The following TAF2 variants were observed in gnomAD, a reference collection of about 807,000 sequenced individuals.
TAF2 encodes the protein TATA-box binding protein associated factor 2.
Under a neutral mutation model 138.5 loss-of-function variants are expected in TAF2, and 61 were observed. The ratio of observed to expected loss-of-function variants is 0.44; its 90% CI spans 0.36 to 0.54. The LOEUF is 0.54. Ranked by LOEUF, TAF2 falls within the 20% of genes least tolerant of loss-of-function variation. TAF2 has a pLI of 0.00. For synonymous variants in TAF2, 475 were observed against 469.9 expected, an observed-to-expected ratio of 1.01 and a Z score of -0.14; for missense variants, 1,090 against 1,427.9, an observed-to-expected ratio of 0.76 and a Z score of 3.81.
chr8:119,756,836 T>G (rs999642729), intron 21 of TAF2, among the ~76,000 whole-genome samples: 2 of 152,078 alleles, frequency 1.3e-5, no homozygotes, highest in African/African-American at 4.8e-5. Context: ...AAACATCCAC[T>G]GCTATGAGTA....
intron 6 of TAF2, among the ~76,000 whole-genome samples, chr8:119,798,546 T>C (rs774897770): frequency 2.0e-5 from 3 of 152,210 alleles, no homozygotes; most frequent in Non-Finnish European, 4.4e-5. Flanking sequence ...GTAATCTTTT[T>C]GAGTTCAACA....
Position 119,797,846 on chromosome 8 carries a change from C to A in TAF2, c.793G>T (p.Val265Phe), listed in dbSNP as rs1344198100. ...AGTTGGGGCAAACAAAAATGAGTAA[C>A]CTGAAAAGAAGAAGCAAGGAAGATC... is the stretch of plus-strand genomic sequence containing the variant. ...EILVDPYMHE[V>F]THFCLPQLLP... Residue 265 changes from valine (V) to phenylalanine (F), a missense_variant and splice_region_variant, in exon 7 of 26, where the codon GTT becomes TTT. Coordinates refer to ENST00000378164, the MANE Select transcript of TAF2 (RefSeq NM_003184.4). The A allele has an allele frequency of 6.2e-7, 1 of 1,612,858 alleles. No individual in the cohort carries two copies. Among genetic ancestry groups the A allele is most frequent in the Non-Finnish European group, 8.5e-7 (1 of 1,179,460 alleles).
chr8:119,801,659 A>G, intron 6 of TAF2, 135 bp downstream of exon 6: 1 of 786,922 alleles, frequency 1.3e-6, no homozygotes, highest in Middle Eastern at 2.9e-4. Flanking sequence ...CGATCTCCTG[A>G]CCCTGTGATC....
At chr8:119,796,833 G>C (rs1464186693) in intron 8 of TAF2, among the ~76,000 whole-genome samples, 157 bp downstream of exon 8, 1 of 151,620 alleles carries the variant, frequency 6.6e-6, no homozygotes, top group East Asian at 1.9e-4. Flanking sequence ...AAAAAGTTAG[G>C]ATGAAACTTA....
At chr8:119,780,767 C>G (rs1822585279) in intron 17 of TAF2, among the ~76,000 whole-genome samples, 1 of 151,990 alleles carries the variant, frequency 6.6e-6, no homozygotes, top group Admixed American at 6.6e-5. Context: ...AACCCCATCT[C>G]TACTAAAAAT....
intron 18 of TAF2, among the ~76,000 whole-genome samples, chr8:119,771,333 T>G (rs1471637707): frequency 6.6e-6 from 1 of 151,960 alleles, no homozygotes; most frequent in African/African-American, 2.4e-5. Context: ...CGTCCTAGGT[T>G]CAAGTGACTC....
chr8:119,733,743 C>T (rs909731482), intron 25 of TAF2, among the ~76,000 whole-genome samples: 5 of 151,862 alleles, frequency 3.3e-5, no homozygotes, highest in Admixed American at 6.6e-5. Flanking sequence ...ACGTGGTTAC[C>T]AAATATTGTT....
At chr8:119,760,425 A>G (rs1400344420) in intron 20 of TAF2, 174 bp downstream of exon 20, 3 of 730,798 alleles carry the variant, frequency 4.1e-6, no homozygotes, top group Non-Finnish European at 4.3e-6. Context: ...TCCCTCATTT[A>G]TTAACTCTTA....
chr8:119,809,022 C>A (rs1019047838), intron 3 of TAF2, among the ~76,000 whole-genome samples: 5 of 152,180 alleles, frequency 3.3e-5, no homozygotes, highest in Non-Finnish European at 7.3e-5. Flanking sequence ...AAAGAGTCAG[C>A]CCGTCCTTTG....
intron 3 of TAF2, among the ~76,000 whole-genome samples, chr8:119,819,043 T>C (rs2131255002): frequency 6.6e-6 from 1 of 152,220 alleles, no homozygotes; most frequent in African/African-American, 2.4e-5. Context: ...TTTCAAAATT[T>C]ATGAAGTAAA....
chr8:119,776,154 T>C (rs1183182477), intron 18 of TAF2, among the ~76,000 whole-genome samples: 1 of 152,170 alleles, frequency 6.6e-6, no homozygotes, highest in Non-Finnish European at 1.5e-5. Flanking sequence ...GAGAGACCAA[T>C]GATCATAGAG....
chr8:119,786,765 T>C (rs1167213075), intron 14 of TAF2, among the ~76,000 whole-genome samples: 1 of 151,972 alleles, frequency 6.6e-6, no homozygotes, highest in Non-Finnish European at 1.5e-5. Context: ...CTACTAAAAA[T>C]ACAAAAAGTA....
chr8:119,731,955 C>G lies in TAF2; in HGVS notation c.3569G>C (p.Arg1190Thr). The G allele has an allele frequency of 6.2e-7, 1 of 1,614,204 alleles. No individual in the cohort carries two copies. The highest frequency in any genetic ancestry group is 8.5e-7 in the Non-Finnish European group (1 of 1,180,042). ...PFTFSSPASG[R>T]SIRSPSLSD Reference sequence around the variant, plus strand: ...TGAAAGGGAAGGAGAACGAATAGACCTGCCACTGGCAGGGCTGGAGAAAGT... The same window carrying G: ...TGAAAGGGAAGGAGAACGAATAGACGTGCCACTGGCAGGGCTGGAGAAAGT... Residue 1190 changes from arginine (R) to threonine (T), a missense_variant, in exon 26 of 26, where the codon AGG becomes ACG. Physicochemically the swap from Arg to Thr is moderately conservative, Grantham distance 71. Around this residue, in one of 3 missense-constraint regions of TAF2, gnomAD observed 580 missense variants for 719.6 expected, o/e 0.81. Coordinates refer to ENST00000378164, the MANE Select transcript of TAF2 (RefSeq NM_003184.4).
intron 2 of TAF2, among the ~76,000 whole-genome samples, chr8:119,822,427 T>C (rs1019417697): frequency 2.6e-5 from 4 of 152,236 alleles, no homozygotes; most frequent in South Asian, 4.1e-4. Flanking sequence ...TCTTATCATG[T>C]TGCCCAAGCT....
chr8:119,822,155 T>G (rs1430459350), intron 2 of TAF2, among the ~76,000 whole-genome samples: 1 of 152,150 alleles, frequency 6.6e-6, no homozygotes, highest in Non-Finnish European at 1.5e-5. Context: ...TACATCATCC[T>G]TTATGCTTCT....
rs1020111857 is a variant in TAF2, at chr8:119,797,221, C to T, written c.978-118G>A. ...GCTAAATAGAGAAAAAATTCTCCCACCTTTCTAATCTTTTCAAAATTTAGC... is the reference window on the plus strand; with the variant it reads ...GCTAAATAGAGAAAAAATTCTCCCATCTTTCTAATCTTTTCAAAATTTAGC... On this transcript the variant is annotated intron_variant, in intron 7 of 25. Coordinates refer to ENST00000378164, the MANE Select transcript of TAF2 (RefSeq NM_003184.4). 19 of 762,718 alleles carry T rather than the reference C, an allele frequency of 2.5e-5. No homozygotes were observed. In the East Asian group the frequency reaches 4.0e-4, roughly 16 times the overall value. 47.2% of individuals were successfully genotyped at this position (762,718 alleles called of 1,614,324 possible). A position where few individuals can be genotyped will look rare whatever the true frequency, so the allele number is the denominator to read the frequency against.
intron 24 of TAF2, among the ~76,000 whole-genome samples, chr8:119,744,037 TAGAA>T (rs1435639539): frequency 6.6e-6 from 1 of 152,166 alleles, no homozygotes; most frequent in Non-Finnish European, 1.5e-5. Context: ...TCAGAGCTAC[TAGAA>T]AGAATCTGAA....
chr8:119,738,514 A>G (rs538486637), intron 25 of TAF2, among the ~76,000 whole-genome samples: 8 of 152,194 alleles, frequency 5.3e-5, no homozygotes, highest in Non-Finnish European at 1.2e-4. Context: ...CAGCAAATAT[A>G]TCAGAGAAAG....
intron 18 of TAF2, among the ~76,000 whole-genome samples, chr8:119,769,272 C>T (rs1821660375): frequency 1.3e-5 from 2 of 152,228 alleles, no homozygotes; most frequent in African/African-American, 4.8e-5. Flanking sequence ...ATACCCTACC[C>T]AATATACTGT....
Sources: allele counts gnomAD v4.1 joint callset (sites outside exome capture counted in the v4.1 genomes callset), GRCh38; gene constraint gnomAD v4.1.1; regional missense constraint gnomAD v4.1.1; transcripts MANE v1.5; gene names NCBI Gene and HGNC (gene_info 2026-07-23, HGNC 2026-07-21).